CRACR2A: variants seen among roughly 807,000 people sequenced by gnomAD.
The protein encoded by CRACR2A is EF-hand calcium-binding domain-containing protein 4B.
A neutral mutation model predicts 90.5 loss-of-function variants in CRACR2A; 79 were observed. That is an observed-to-expected ratio of 0.87 (90% CI 0.73 to 1.05). The LOEUF (loss-of-function observed/expected upper bound fraction) is 1.05. Ranked by LOEUF, CRACR2A falls within the 50% of genes least tolerant of loss-of-function variation. The probability of loss-of-function intolerance (pLI) is 0.00; values close to 1 mark genes in which losing one functional copy is unlikely to be tolerated. For missense variants in CRACR2A, 823 were observed against 897.2 expected, an observed-to-expected ratio of 0.92 and a Z score of 1.06; for synonymous variants, 338 against 356.7, an observed-to-expected ratio of 0.95 and a Z score of 0.59.
rs116778979 is a variant in CRACR2A at position 3,716,552 on chromosome 12, A to G, written c.-117-3235T>C. ...TGTTAAACACTGGTCCTTTTTAGTT[A>G]GGGCACAAACAAGATGTATCTTTTC... On this transcript the variant is annotated intron_variant, in intron 2 of 19. Transcript: ENST00000440314. Among the ~76,000 whole-genome samples the G allele has an allele frequency of 2.3e-3, 357 of 152,322 alleles. 2 individuals carry two copies. The highest frequency in any genetic ancestry group is 7.4e-3 in the African/African-American group (308 of 41,580).
intron 2 of CRACR2A, chr12:3,731,706 T>C (rs1376495334): frequency 1.3e-5 from 2 of 152,210 alleles, no homozygotes; most frequent in Admixed American, 1.3e-4. Context: ...TTGCTGAAGA[T>C]GTAATGAGTT....
rs561029067 is a variant in CRACR2A, at chr12:3,617,289, C to T, written c.2035-259G>A. 4.6e-5 allele frequency among the ~76,000 whole-genome samples: 7 copies of T among 152,298 alleles called. No individual in the cohort carries two copies. In the South Asian group the frequency reaches 1.5e-3, roughly 32 times the overall value. Reference sequence around the variant, plus strand: ...AATGAAACCATACGCTGTCTTAGTTCCTCTTTACACTTTCCCAAATTCCTC... The same window carrying T: ...AATGAAACCATACGCTGTCTTAGTTTCTCTTTACACTTTCCCAAATTCCTC... On this transcript the variant is annotated intron_variant, in intron 18 of 19. Coordinates refer to ENST00000440314, the MANE Select transcript of CRACR2A (RefSeq NM_001144958.2).
chr12:3,643,388 A>G (rs1054970032), intron 12 of CRACR2A, among the ~76,000 whole-genome samples: 1 of 152,156 alleles, frequency 6.6e-6, no homozygotes, highest in Non-Finnish European at 1.5e-5. Flanking sequence ...ATCTTTCTCA[A>G]AGATTCCTGT....
chr12:3,618,031 G>T (rs1275377247), intron 18 of CRACR2A, among the ~76,000 whole-genome samples: 1 of 152,312 alleles, frequency 6.6e-6, no homozygotes, highest in East Asian at 1.9e-4. Context: ...GAATAGTGGG[G>T]AGGGGAGAGA....
intron 2 of CRACR2A, among the ~76,000 whole-genome samples, chr12:3,724,164 A>G (rs1411009341): frequency 1.3e-5 from 2 of 151,814 alleles, no homozygotes; most frequent in African/African-American, 4.8e-5. Flanking sequence ...GCTTTTCTCT[A>G]CCCTTAAGGC....
chr12:3,695,257 G>T (rs1413743692), intron 4 of CRACR2A, among the ~76,000 whole-genome samples: 3 of 152,188 alleles, frequency 2.0e-5, no homozygotes, highest in African/African-American at 7.2e-5. Context: ...GCAGACCTGT[G>T]AATGCCAATT....
chr12:3,661,611 AG>A (rs1945039622), intron 7 of CRACR2A, among the ~76,000 whole-genome samples: 1 of 152,230 alleles, frequency 6.6e-6, no homozygotes, highest in South Asian at 2.1e-4. Flanking sequence ...GTAAGGAAAA[AG>A]GCTCATGCTA....
intron 11 of CRACR2A, among the ~76,000 whole-genome samples, chr12:3,646,264 A>C (rs1944686183): frequency 1.3e-5 from 2 of 152,252 alleles, no homozygotes; most frequent in African/African-American, 4.8e-5. Flanking sequence ...TGGAGAGGGC[A>C]GGCCAGATGA....
chr12:3,749,510 C>T (rs184036963), intron 1 of CRACR2A, among the ~76,000 whole-genome samples: 1 of 152,300 alleles, frequency 6.6e-6, no homozygotes, highest in Non-Finnish European at 1.5e-5. Context: ...TTCTTCTCTG[C>T]ACTTTGTCTC....
intron 7 of CRACR2A, among the ~76,000 whole-genome samples, chr12:3,667,100 A>C (rs913861095): frequency 6.6e-6 from 1 of 152,208 alleles, no homozygotes; most frequent in African/African-American, 2.4e-5. Flanking sequence ...AGTTAGATGC[A>C]AAGAGAAGGA....
In CRACR2A at chr12:3,679,056, G is replaced by A. The variant is rs242017; in HGVS notation, c.383C>T (p.Ala128Val). The A allele has an allele frequency of 0.29, 463,012 of 1,610,412 alleles. 68,440 individuals carry two copies. The highest frequency in any genetic ancestry group is 0.35 in the Admixed American group (21,101 of 59,456). ...FSQNNPSQED[A>V]GEQVAQRHEE... is the part of the protein sequence containing the mutation. ...ATGGCGCTGGGCCACCTGTTCACCT[G>A]CATCTTCCTGACTTGGGTTATTCTG... Residue 128 changes from alanine (A) to valine (V), a missense_variant, in exon 6 of 20, where the codon GCA becomes GTA. Transcript: ENST00000440314.
intron 15 of CRACR2A, among the ~76,000 whole-genome samples, chr12:3,632,923 T>C (rs1038863699): frequency 2.6e-5 from 4 of 152,232 alleles, no homozygotes; most frequent in African/African-American, 7.2e-5. Flanking sequence ...CCATATGCCC[T>C]TGGGTCTCAC....
intron 1 of CRACR2A, among the ~76,000 whole-genome samples, chr12:3,743,997 C>A (rs1946570633): frequency 6.6e-6 from 1 of 152,192 alleles, no homozygotes; most frequent in Non-Finnish European, 1.5e-5. Flanking sequence ...CCAGGACAAC[C>A]ACAGCCTAGG....
intron 1 of CRACR2A, chr12:3,752,693 TCA>T (rs1219609291): frequency 2.0e-5 from 3 of 153,140 alleles, no homozygotes; most frequent in Non-Finnish European, 4.4e-5. Flanking sequence ...ATTCTGAGCC[TCA>T]GTTTCCTCAT....
At chr12:3,744,940 A>G (rs1946587290) in intron 1 of CRACR2A, among the ~76,000 whole-genome samples, 2 of 152,234 alleles carry the variant, frequency 1.3e-5, no homozygotes, top group Admixed American at 1.3e-4. Context: ...GATACATTTT[A>G]TGTTATGTAT....
At chr12:3,658,704 A>C (rs1050062811) in intron 8 of CRACR2A, among the ~76,000 whole-genome samples, 21 of 152,218 alleles carry the variant, frequency 1.4e-4, no homozygotes, top group African/African-American at 5.1e-4. Flanking sequence ...GGTTGTGAGA[A>C]TAGCCGGGCT....
chr12:3,633,227 A>AG lies in CRACR2A; in HGVS notation c.1735+376dup, dbSNP rs1325586817. Among the ~76,000 whole-genome samples, 1 of 152,028 alleles carries AG rather than the reference A, an allele frequency of 6.6e-6. No individual in the cohort carries two copies. The highest frequency in any genetic ancestry group is 1.9e-4 in the East Asian group (1 of 5,178). ...TCTCGGGAGGAGTCCTGGTCAGTTC[A>AG]GGGGGAGCAGGAAGACCCAGGACCC... On this transcript the variant is annotated intron_variant, in intron 15 of 19. Coordinates refer to ENST00000440314, the MANE Select transcript of CRACR2A (RefSeq NM_001144958.2). This position sits in a 1 kb window ranked among gnomAD's most constrained non-coding sequence, Gnocchi z 4.5.
intron 1 of CRACR2A, among the ~76,000 whole-genome samples, chr12:3,737,335 TG>T (rs1946462751): frequency 6.6e-6 from 1 of 152,022 alleles, no homozygotes; most frequent in South Asian, 2.1e-4. Flanking sequence ...AATCCTAATG[TG>T]GAAGAGAGTG....
intron 3 of CRACR2A, among the ~76,000 whole-genome samples, chr12:3,710,109 G>A (rs1480344704): frequency 1.3e-5 from 2 of 152,134 alleles, no homozygotes; most frequent in African/African-American, 2.4e-5. Context: ...ATGCCTCCCT[G>A]TTGTTTTCAG....
Sources: allele counts gnomAD v4.1 joint callset (sites outside exome capture counted in the v4.1 genomes callset), GRCh38; gene constraint gnomAD v4.1.1; non-coding constraint Gnocchi (gnomAD v3.1); transcripts MANE v1.5; gene names NCBI Gene and HGNC (gene_info 2026-07-23, HGNC 2026-07-21).